MSH3: variants seen among roughly 807,000 people sequenced by gnomAD.
The protein encoded by MSH3 is DNA mismatch repair protein Msh3.
In MSH3, 106 loss-of-function variants were observed where a neutral mutation model predicts 123.3. The observed-to-expected ratio is 0.86, with a 90% confidence interval of 0.73 to 1.01. MSH3 has a LOEUF of 1.01. Among genes scored for constraint, MSH3 ranks in the 50% least tolerant of loss-of-function variants. MSH3 has a pLI of 0.00. For synonymous variants in MSH3, 515 were observed against 481.4 expected, an observed-to-expected ratio of 1.07 and a Z score of -0.91; for missense variants, 1,459 against 1,347.6, an observed-to-expected ratio of 1.08 and a Z score of -1.29.
intron 17 of MSH3, among the ~76,000 whole-genome samples, chr5:80,784,973 A>G (rs1444929891): frequency 6.6e-6 from 1 of 152,222 alleles, no homozygotes; most frequent in Non-Finnish European, 1.5e-5. Context: ...GGAAAAAGTC[A>G]TTTATGTACA....
chr5:80,676,971 T>G (rs945416617), intron 7 of MSH3, among the ~76,000 whole-genome samples: 2 of 152,186 alleles, frequency 1.3e-5, no homozygotes, highest in Non-Finnish European at 2.9e-5. Context: ...TCTTTGGGGC[T>G]GTCCTTTACT....
At chr5:80,823,926 T>G (rs1157282361) in intron 20 of MSH3, among the ~76,000 whole-genome samples, 1 of 152,184 alleles carries the variant, frequency 6.6e-6, no homozygotes, top group Non-Finnish European at 1.5e-5. Context: ...TTCAAGCATC[T>G]GTTTAACAAA....
At chr5:80,778,453 G>C (rs1333741489) in intron 16 of MSH3, among the ~76,000 whole-genome samples, 1 of 151,994 alleles carries the variant, frequency 6.6e-6, no homozygotes, top group Non-Finnish European at 1.5e-5. Context: ...AAAGAAAAAA[G>C]CTTTCTGCCT....
At chr5:80,702,656 G>A (rs1750636662) in intron 8 of MSH3, among the ~76,000 whole-genome samples, 1 of 151,996 alleles carries the variant, frequency 6.6e-6, no homozygotes, top group South Asian at 2.1e-4. Flanking sequence ...GACAGATTTG[G>A]GGGAAAATAC....
chr5:80,762,825 G>GTTATGTTATGTTATTT, intron 13 of MSH3, among the ~76,000 whole-genome samples: 1 of 140,510 alleles, frequency 7.1e-6, no homozygotes, highest in South Asian at 2.3e-4. Context: ...GTTATGTTAT[G>GTTATGTTATGTTATTT]TTATGTTATT....
At chr5:80,854,603 A>T (rs1008178146) in intron 21 of MSH3, among the ~76,000 whole-genome samples, 4 of 152,288 alleles carry the variant, frequency 2.6e-5, no homozygotes, top group Middle Eastern at 6.8e-3. Context: ...TTGTACATGG[A>T]TGATACATAT....
At chr5:80,732,409 CAT>C (rs559726711) in intron 10 of MSH3, among the ~76,000 whole-genome samples, 184 of 152,160 alleles carry the variant, frequency 1.2e-3, no homozygotes, top group African/African-American at 4.0e-3. Flanking sequence ...AGAATGATAA[CAT>C]GTGGTGATTA....
At chr5:80,690,675 T>G (rs987290048) in intron 8 of MSH3, among the ~76,000 whole-genome samples, 2 of 152,298 alleles carry the variant, frequency 1.3e-5, no homozygotes, top group Non-Finnish European at 2.9e-5. Context: ...AACCGTTAAG[T>G]GCTCCTTATT....
intron 8 of MSH3, among the ~76,000 whole-genome samples, chr5:80,687,792 G>A (rs1750125824): frequency 6.7e-6 from 1 of 149,478 alleles, no homozygotes; most frequent in African/African-American, 2.5e-5. Flanking sequence ...GAAAAGGAAT[G>A]GCATGATAGA....
intron 8 of MSH3, among the ~76,000 whole-genome samples, chr5:80,709,053 G>A (rs889827242): frequency 2.6e-5 from 4 of 152,122 alleles, no homozygotes; most frequent in Admixed American, 6.5e-5. Flanking sequence ...GGGATTACAG[G>A]TGTGAGCCAT....
rs980653307 is a variant in MSH3, at chr5:80,699,715, C to G, written c.1340+20622C>G. ...TGGAAAGATCATATTGATTTCTTAT[C>G]GTTTTTTCCCCATTATGTTTATTTC... On this transcript the variant is annotated intron_variant, in intron 8 of 23. Coordinates refer to ENST00000265081, the MANE Select transcript of MSH3 (RefSeq NM_002439.5). Among the ~76,000 whole-genome samples, 8 of 152,020 alleles carry G rather than the reference C, an allele frequency of 5.3e-5. No homozygotes were observed. In the South Asian group the frequency reaches 1.2e-3, roughly 24 times the overall value.
chr5:80,659,061 C>T (rs969160857), intron 2 of MSH3, among the ~76,000 whole-genome samples: 1 of 152,130 alleles, frequency 6.6e-6, no homozygotes, highest in African/African-American at 2.4e-5. Flanking sequence ...TGGTGAAACC[C>T]TGTCTCTGCT....
At position 80,873,073 on chromosome 5, in the gene MSH3, C is replaced by T. The variant is rs372327709; in HGVS notation, c.3131-43C>T. On this transcript the variant is annotated intron_variant, in intron 22 of 23. Transcript: ENST00000265081. ...TCCTTTTTAATCCTCTAATTTATTT[C>T]AGCTTTCAGGCACAGTTTTGATCTC... The T allele has an allele frequency of 3.2e-6, 5 of 1,548,510 alleles. No individual in the cohort carries two copies. In the African/African-American group the frequency reaches 4.1e-5, roughly 13 times the overall value.
intron 2 of MSH3, 87 bp downstream of exon 2, chr5:80,656,618 G>A: frequency 6.3e-7 from 1 of 1,575,704 alleles, no homozygotes; most frequent in Admixed American, 1.7e-5. Context: ...TATTAGAATT[G>A]TGTCTTTTTT....
chr5:80,732,913 A>G (rs558933186), intron 10 of MSH3, among the ~76,000 whole-genome samples: 4 of 152,212 alleles, frequency 2.6e-5, no homozygotes, highest in Non-Finnish European at 5.9e-5. Context: ...CCTCACAGAC[A>G]TTAAACCTGT....
intron 8 of MSH3, among the ~76,000 whole-genome samples, chr5:80,706,599 T>G (rs976507187): frequency 6.6e-6 from 1 of 152,224 alleles, no homozygotes; most frequent in Non-Finnish European, 1.5e-5. Context: ...TGTCATATAT[T>G]AAATATATAA....
At chr5:80,819,356 A>G (rs186980437) in intron 20 of MSH3, among the ~76,000 whole-genome samples, 2 of 133,010 alleles carry the variant, frequency 1.5e-5, no homozygotes, top group Non-Finnish European at 3.1e-5. Context: ...ATATATATGT[A>G]TATATATGTG....
chr5:80,663,117 A>G (rs1749479284), intron 2 of MSH3, among the ~76,000 whole-genome samples: 2 of 152,214 alleles, frequency 1.3e-5, no homozygotes, highest in South Asian at 4.1e-4. Context: ...ACTTGCCTGT[A>G]GTTCCAGCTA....
intron 19 of MSH3, among the ~76,000 whole-genome samples, chr5:80,802,461 A>G (rs1008587059): frequency 1.3e-5 from 2 of 151,568 alleles, no homozygotes; most frequent in Non-Finnish European, 2.9e-5. Flanking sequence ...GTGTATATTT[A>G]TGGATTACAT....
Sources: allele counts gnomAD v4.1 joint callset (sites outside exome capture counted in the v4.1 genomes callset), GRCh38; gene constraint gnomAD v4.1.1; transcripts MANE v1.5; gene names NCBI Gene and HGNC (gene_info 2026-07-23, HGNC 2026-07-21).